PLCB1: variants seen among roughly 807,000 people sequenced by gnomAD.
PLCB1 encodes 1-phosphatidylinositol 4,5-bisphosphate phosphodiesterase beta-1.
A neutral mutation model predicts 161.8 loss-of-function variants in PLCB1; 46 were observed. That is an observed-to-expected ratio of 0.28 (90% CI 0.22 to 0.36). The LOEUF is 0.36. Among genes scored for constraint, PLCB1 ranks in the 10% least tolerant of loss-of-function variants. PLCB1 has a pLI of 1.00. For missense variants in PLCB1, 1,016 were observed against 1,472.5 expected (o/e 0.69, Z 5.07); for synonymous variants, 517 against 503.7 (o/e 1.03, Z -0.35).
chr20:8,751,466 C>T, intron 23 of PLCB1: 1 of 152,178 alleles, frequency 6.6e-6, no homozygotes, highest in South Asian at 2.1e-4. Flanking sequence ...TTTCCTCCTT[C>T]TATAGAACTT....
rs149222730 is a variant in PLCB1 at position 8,395,895 on chromosome 20, A to G, written c.246+24445A>G. The stretch of plus-strand genomic sequence containing the variant: ...TAGATGGATACTCTTCTCTGTAAAT[A>G]TATTTTCCCCTGATACTTAACTGTA... On this transcript the variant is annotated intron_variant, in intron 3 of 31. Coordinates refer to ENST00000338037, the MANE Select transcript of PLCB1 (RefSeq NM_015192.4). 8.9e-3 allele frequency among the ~76,000 whole-genome samples: 1,356 copies of G among 152,146 alleles called. 17 individuals carry two copies. The highest frequency in any genetic ancestry group is 0.031 in the African/African-American group (1,272 of 41,538).
chr20:8,318,412 C>T (rs1357830244), intron 2 of PLCB1, among the ~76,000 whole-genome samples: 2 of 152,020 alleles, frequency 1.3e-5, no homozygotes, highest in Non-Finnish European at 2.9e-5. Flanking sequence ...ATATTTTAGG[C>T]CTTCTGAACC....
chr20:8,325,117 G>A (rs1253410859), intron 2 of PLCB1, among the ~76,000 whole-genome samples: 3 of 152,156 alleles, frequency 2.0e-5, no homozygotes, highest in African/African-American at 4.8e-5. Context: ...TAACAGGTGA[G>A]GCAGAAAAGA....
At chr20:8,749,332 T>A (rs1016131138) in intron 23 of PLCB1, among the ~76,000 whole-genome samples, 4 of 152,166 alleles carry the variant, frequency 2.6e-5, no homozygotes, top group African/African-American at 9.7e-5. Flanking sequence ...TCTCCCCAGA[T>A]GAAACCCATT....
At chr20:8,705,273 GA>G (rs1322861220) in intron 11 of PLCB1, among the ~76,000 whole-genome samples, 3 of 152,044 alleles carry the variant, frequency 2.0e-5, no homozygotes, top group Non-Finnish European at 2.9e-5. Flanking sequence ...GGTCCTTTAT[GA>G]AAAAATGTAT....
At chr20:8,453,216 C>T (rs1658690273) in intron 3 of PLCB1, among the ~76,000 whole-genome samples, 1 of 152,232 alleles carries the variant, frequency 6.6e-6, no homozygotes. Context: ...CAGAGTTCTC[C>T]TCCTCATATC....
At position 8,786,500 on chromosome 20, in the gene PLCB1, G is replaced by A. The variant is rs114252473; in HGVS notation, c.3112-1949G>A. On this transcript the variant is annotated intron_variant, in intron 27 of 31. Coordinates refer to ENST00000338037, the MANE Select transcript of PLCB1 (RefSeq NM_015192.4). ...TTTAAACGAATGTGGATTCCGTATC[G>A]TAATTCTCTTGCAAGCCATGGAACC... Among the ~76,000 whole-genome samples the A allele has an allele frequency of 2.2e-3, 331 of 152,214 alleles. 1 individual carries two copies. Among genetic ancestry groups the A allele is most frequent in the African/African-American group, 7.1e-3 (296 of 41,544 alleles).
intron 2 of PLCB1, among the ~76,000 whole-genome samples, chr20:8,199,087 G>C (rs2052061503): frequency 6.6e-6 from 1 of 151,544 alleles, no homozygotes; most frequent in Non-Finnish European, 1.5e-5. Flanking sequence ...TTTACCAAAA[G>C]TGTGTGTGTG....
Position 8,465,703 on chromosome 20 carries a change from G to A in PLCB1, c.246+94253G>A, listed in dbSNP as rs546688351. On this transcript the variant is annotated intron_variant, in intron 3 of 31. Coordinates refer to ENST00000338037, the MANE Select transcript of PLCB1 (RefSeq NM_015192.4). ...CCCTACAAAAGAAGACATTTATGCA[G>A]CCAAAAAACACATGAAAAAATGCTC... 9.7e-4 allele frequency among the ~76,000 whole-genome samples: 148 copies of A among 152,036 alleles called. 1 individual carries two copies. Among genetic ancestry groups the A allele is most frequent in the African/African-American group, 3.5e-3 (144 of 41,444 alleles).
At chr20:8,878,612 G>T (rs1424783400) in intron 31 of PLCB1, among the ~76,000 whole-genome samples, 1 of 152,134 alleles carries the variant, frequency 6.6e-6, no homozygotes. Flanking sequence ...TTATATGCTA[G>T]CAAATAGATT....
intron 2 of PLCB1, among the ~76,000 whole-genome samples, chr20:8,171,187 T>C (rs1014003657): frequency 6.6e-5 from 10 of 152,124 alleles, no homozygotes; most frequent in African/African-American, 2.4e-4. Flanking sequence ...AGAAAGAGTA[T>C]GCTACTTTCA....
chr20:8,230,660 ATTAAAC>A (rs1311273372), intron 2 of PLCB1, among the ~76,000 whole-genome samples: 2 of 152,106 alleles, frequency 1.3e-5, no homozygotes, highest in African/African-American at 4.8e-5. Context: ...TTTAATGTCA[ATTAAAC>A]TTAAAGTTTA....
At chr20:8,173,858 C>T (rs555509458) in intron 2 of PLCB1, among the ~76,000 whole-genome samples, 1 of 152,138 alleles carries the variant, frequency 6.6e-6, no homozygotes, top group East Asian at 1.9e-4. Context: ...AATAAAAGAA[C>T]ACAATAGGTG....
chr20:8,529,400 C>T (rs1316086999), intron 3 of PLCB1, among the ~76,000 whole-genome samples: 1 of 152,014 alleles, frequency 6.6e-6, no homozygotes, highest in Admixed American at 6.6e-5. Context: ...TCCCCCAGAA[C>T]CTCTCGCATA....
chr20:8,475,376 GTGGGT>G (rs1393358566), intron 3 of PLCB1, among the ~76,000 whole-genome samples: 1 of 152,040 alleles, frequency 6.6e-6, no homozygotes, highest in African/African-American at 2.4e-5. Flanking sequence ...GCTTGAGCCT[GTGGGT>G]TGGAGACCAA....
rs1389589401 is a variant in PLCB1, at chr20:8,510,376, T to C, written c.247-117918T>C. Among the ~76,000 whole-genome samples, 7 of 136,938 alleles carry C rather than the reference T, an allele frequency of 5.1e-5. No homozygotes were observed. The East Asian group carries it at 1.5e-3, about 30-fold the overall frequency. 89.8% of individuals were successfully genotyped at this position (136,938 alleles called of 152,430 possible). A position where few individuals can be genotyped will look rare whatever the true frequency, so the allele number is the denominator to read the frequency against. On this transcript the variant is annotated intron_variant, in intron 3 of 31. Coordinates refer to ENST00000338037, the MANE Select transcript of PLCB1 (RefSeq NM_015192.4). ...TAGGATAACTCTGATCTTTTTCTTT[T>C]CTTTTTCTTTTTTTTTTTTTTTTTT... is the stretch of plus-strand genomic sequence containing the variant.
intron 9 of PLCB1, among the ~76,000 whole-genome samples, chr20:8,666,339 T>C (rs1311289244): frequency 6.6e-6 from 1 of 152,114 alleles, no homozygotes; most frequent in Non-Finnish European, 1.5e-5. Flanking sequence ...GAACCCAAAC[T>C]AAGACAAGCA....
intron 2 of PLCB1, among the ~76,000 whole-genome samples, chr20:8,354,757 C>T (rs150760442): frequency 4.6e-5 from 7 of 152,088 alleles, no homozygotes; most frequent in Non-Finnish European, 1.0e-4. Flanking sequence ...TTATTTTAAC[C>T]CTCACAACAG....
At chr20:8,279,611 T>A (rs962232689) in intron 2 of PLCB1, among the ~76,000 whole-genome samples, 1 of 152,218 alleles carries the variant, frequency 6.6e-6, no homozygotes, top group African/African-American at 2.4e-5. Context: ...TTTTGTTACA[T>A]GTACTTTACC....
Sources: allele counts gnomAD v4.1 joint callset (sites outside exome capture counted in the v4.1 genomes callset), GRCh38; gene constraint gnomAD v4.1.1; transcripts MANE v1.5; gene names NCBI Gene and HGNC (gene_info 2026-07-23, HGNC 2026-07-21).